PTPRD: variants seen among roughly 807,000 people sequenced by gnomAD.
PTPRD encodes receptor-type tyrosine-protein phosphatase delta.
PTPRD carries 34 observed loss-of-function variants against 214.5 expected under a neutral mutation model. The ratio of observed to expected loss-of-function variants is 0.16; its 90% CI spans 0.12 to 0.21. The LOEUF is 0.21. PTPRD is among the 10% of genes least tolerant of loss of function. The pLI, the probability that PTPRD is intolerant of heterozygous loss-of-function variation, is 1.00. For missense variants in PTPRD, 2,545 were observed against 2,398.7 expected (o/e 1.06, Z -1.27); for synonymous variants, 1,128 against 845.7 (o/e 1.33, Z -5.79).
At chr9:9,293,603 T>C (rs1317362695) in intron 9 of PTPRD, among the ~76,000 whole-genome samples, 1 of 151,498 alleles carries the variant, frequency 6.6e-6, no homozygotes. Context: ...CCCTCTCAGT[T>C]GACAGAGAAA....
At chr9:8,834,891 A>AGCTT (rs2097379705) in intron 11 of PTPRD, among the ~76,000 whole-genome samples, 1 of 152,210 alleles carries the variant, frequency 6.6e-6, no homozygotes, top group South Asian at 2.1e-4. Context: ...AGTGAAAAAG[A>AGCTT]GCTTTACGCA....
chr9:9,762,533 A>T (rs1183408), intron 6 of PTPRD, among the ~76,000 whole-genome samples: 2 of 152,070 alleles, frequency 1.3e-5, no homozygotes, highest in African/African-American at 4.8e-5. Context: ...CCACCCTTTC[A>T]ACACTTTGCT....
At chr9:9,702,693 A>C (rs1345101099) in intron 7 of PTPRD, among the ~76,000 whole-genome samples, 1 of 152,200 alleles carries the variant, frequency 6.6e-6, no homozygotes, top group Non-Finnish European at 1.5e-5. Flanking sequence ...AAAGTGGAGA[A>C]AGTAGCTGAC....
intron 14 of PTPRD, among the ~76,000 whole-genome samples, chr9:8,560,910 G>A (rs2085987139): frequency 1.4e-5 from 2 of 143,194 alleles, no homozygotes; most frequent in South Asian, 2.1e-4. Flanking sequence ...AAATAAAGAT[G>A]CAGAAAGGCA....
At chr9:10,593,864 C>A (rs2076059966) in intron 2 of PTPRD, among the ~76,000 whole-genome samples, 1 of 151,944 alleles carries the variant, frequency 6.6e-6, no homozygotes, top group Non-Finnish European at 1.5e-5. Context: ...AGGAAATCTA[C>A]AATTTCCAAA....
At chr9:9,127,858 G>T (rs550813069) in intron 10 of PTPRD, among the ~76,000 whole-genome samples, 2 of 152,170 alleles carry the variant, frequency 1.3e-5, no homozygotes, top group Non-Finnish European at 2.9e-5. Context: ...AGGAAGAAAA[G>T]GAAGCACCCT....
At chr9:8,795,799 T>G (rs1051514433) in intron 11 of PTPRD, among the ~76,000 whole-genome samples, 2 of 152,234 alleles carry the variant, frequency 1.3e-5, no homozygotes, top group African/African-American at 4.8e-5. Flanking sequence ...TCTATGCTAC[T>G]GTTCACTATG....
At chr9:8,820,337 G>C (rs985427485) in intron 11 of PTPRD, among the ~76,000 whole-genome samples, 3 of 152,060 alleles carry the variant, frequency 2.0e-5, no homozygotes, top group Non-Finnish European at 4.4e-5. Flanking sequence ...AGCTCCATAA[G>C]CCATCTTTTC....
At chr9:10,001,191 C>G (rs2096302831) in intron 4 of PTPRD, among the ~76,000 whole-genome samples, 1 of 151,924 alleles carries the variant, frequency 6.6e-6, no homozygotes, top group Admixed American at 6.6e-5. Flanking sequence ...CTCCAGTCAC[C>G]GGATCTGTAT....
chr9:8,417,466 AC>A (rs2094024570), intron 35 of PTPRD, among the ~76,000 whole-genome samples: 1 of 152,152 alleles, frequency 6.6e-6, no homozygotes, highest in South Asian at 2.1e-4. Flanking sequence ...CTCATGAAAA[AC>A]AAGTCTACAC....
At chr9:9,321,970 T>C (rs529357549) in intron 9 of PTPRD, among the ~76,000 whole-genome samples, 1 of 152,192 alleles carries the variant, frequency 6.6e-6, no homozygotes, top group Non-Finnish European at 1.5e-5. Context: ...CTAATGTTTA[T>C]TGGCAAGGCA....
At chr9:9,429,995 A>G (rs1451719138) in intron 8 of PTPRD, among the ~76,000 whole-genome samples, 1 of 152,184 alleles carries the variant, frequency 6.6e-6, no homozygotes, top group African/African-American at 2.4e-5. Flanking sequence ...CTGGCACAAG[A>G]CAGGGATGCC....
At chr9:9,684,225 G>C (rs1057490752) in intron 7 of PTPRD, among the ~76,000 whole-genome samples, 9 of 151,556 alleles carry the variant, frequency 5.9e-5, no homozygotes, top group African/African-American at 1.9e-4. Flanking sequence ...ATTTCAAATA[G>C]CCAAGAATAA....
chr9:9,526,706 A>C (rs2074211016), intron 8 of PTPRD, among the ~76,000 whole-genome samples: 1 of 152,164 alleles, frequency 6.6e-6, no homozygotes, highest in African/African-American at 2.4e-5. Flanking sequence ...GCTTCTAAGA[A>C]AGATATAATT....
intron 10 of PTPRD, chr9:9,090,909 A>C: frequency 6.8e-7 from 1 of 1,472,518 alleles, no homozygotes; most frequent in Non-Finnish European, 9.4e-7. Flanking sequence ...TGACAAAGAA[A>C]AGAAGGAACA....
At chr9:9,688,211 G>A (rs1351909896) in intron 7 of PTPRD, among the ~76,000 whole-genome samples, 2 of 151,552 alleles carry the variant, frequency 1.3e-5, no homozygotes, top group East Asian at 3.9e-4. Context: ...GTGTATAAAC[G>A]GACTAATAAC....
At chr9:8,816,969 T>C (rs914872474) in intron 11 of PTPRD, among the ~76,000 whole-genome samples, 15 of 152,250 alleles carry the variant, frequency 9.9e-5, no homozygotes, top group Admixed American at 6.5e-5. Flanking sequence ...AAGTGTAACT[T>C]ACACGGAAGA....
At chr9:9,349,212 G>A (rs533425904) in intron 9 of PTPRD, among the ~76,000 whole-genome samples, 25 of 152,114 alleles carry the variant, frequency 1.6e-4, no homozygotes, top group African/African-American at 5.8e-4. Flanking sequence ...CTCTTGCTAG[G>A]TGTTAAATTC....
intron 34 of PTPRD, among the ~76,000 whole-genome samples, chr9:8,437,574 T>G (rs941726177): frequency 1.3e-5 from 2 of 152,184 alleles, no homozygotes; most frequent in African/African-American, 4.8e-5. Flanking sequence ...AGGTTGGGGT[T>G]GCAGCCTTCT....
Sources: allele counts gnomAD v4.1 joint callset (sites outside exome capture counted in the v4.1 genomes callset), GRCh38; gene constraint gnomAD v4.1.1; transcripts MANE v1.5; gene names NCBI Gene and HGNC (gene_info 2026-07-23, HGNC 2026-07-21).